RAB40C: variants seen among roughly 807,000 people sequenced by gnomAD.
The protein encoded by RAB40C is RAB40C, member RAS oncogene family.
A neutral mutation model predicts 28.1 loss-of-function variants in RAB40C; 8 were observed. That is an observed-to-expected ratio of 0.28 (90% CI 0.17 to 0.51). The LOEUF (loss-of-function observed/expected upper bound fraction) is 0.51, where lower values mean the gene tolerates loss of function less well. Among genes scored for constraint, RAB40C ranks in the 20% least tolerant of loss-of-function variants. The probability of loss-of-function intolerance (pLI) is 0.97; values close to 1 mark genes in which losing one functional copy is unlikely to be tolerated. For synonymous variants in RAB40C, 201 were observed against 171.7 expected (o/e 1.17, Z -1.34); for missense variants, 288 against 405.9 (o/e 0.71, Z 2.50).
In RAB40C at chr16:596,279, G is replaced by T. The variant is rs1478233625; in HGVS notation, c.142+5846G>T. ...GGAAGGACACAAGGGAGGGATCTGG[G>T]TCCTCGCAGGTACTTTTGCCTCTTG... On this transcript the variant is annotated intron_variant, in intron 1 of 5. Coordinates refer to ENST00000248139, the MANE Select transcript of RAB40C (RefSeq NM_021168.5). The T allele has an allele frequency of 6.6e-6, 3 of 456,010 alleles. No homozygotes were observed. The Admixed American group carries it at 7.0e-5, about 11-fold the overall frequency. The allele number at this position is 456,010 out of a possible 1,614,324, so 28.2% of individuals were successfully genotyped here.
intron 4 of RAB40C, 157 bp downstream of exon 4, chr16:625,666 T>A: frequency 1.1e-6 from 1 of 903,024 alleles, no homozygotes; most frequent in Non-Finnish European, 1.7e-6. Context: ...TGCTGGTCAC[T>A]GTGCACACGA....
Position 617,219 on chromosome 16 carries a change from A to G in RAB40C, c.154A>G (p.Lys52Glu). 2 of 1,613,948 alleles carry G rather than the reference A, an allele frequency of 1.2e-6. No individual in the cohort carries two copies. Among genetic ancestry groups the G allele is most frequent in the Non-Finnish European group, 1.7e-6 (2 of 1,179,994 alleles). ...GTGCTTCCTCGCAGGGATCGACTACAAGACCACCACCATCCTGCTGGACGG... is the reference window on the plus strand; with the variant it reads ...GTGCTTCCTCGCAGGGATCGACTACGAGACCACCACCATCCTGCTGGACGG... ...PYAYSNGIDYKTTTILLDGRR... is the reference protein window; with the variant it reads ...PYAYSNGIDYETTTILLDGRR... The change falls in exon 2 of 6, where the codon AAG becomes GAG. Residue 52 changes from lysine to glutamate, a missense_variant. Lys to Glu is a moderately conservative substitution (Grantham distance 56). Coordinates refer to ENST00000248139, the MANE Select transcript of RAB40C (RefSeq NM_021168.5).
intron 4 of RAB40C, 58 bp downstream of exon 4, chr16:625,567 GCC>G: frequency 6.5e-7 from 1 of 1,546,352 alleles, no homozygotes; most frequent in South Asian, 1.1e-5. Context: ...AGGTACCTGG[GCC>G]CCGGGTAGGC....
intron 4 of RAB40C, 46 bp from the exon 5 acceptor site, chr16:625,853 G>T (rs776529249): frequency 5.9e-6 from 9 of 1,529,804 alleles, no homozygotes; most frequent in South Asian, 1.2e-5. Flanking sequence ...GCTGAGGGGT[G>T]GGTGGCACCC....
chr16:593,063 C>T (rs931656043), intron 1 of RAB40C, among the ~76,000 whole-genome samples: 1 of 152,220 alleles, frequency 6.6e-6, no homozygotes, highest in Admixed American at 6.5e-5. Context: ...TCCAGGTCCC[C>T]GCAGGAGTCC....
intron 1 of RAB40C, among the ~76,000 whole-genome samples, chr16:593,538 G>A (rs1434179978): frequency 1.3e-5 from 2 of 152,254 alleles, no homozygotes; most frequent in Admixed American, 6.5e-5. Context: ...ATGGCCCACA[G>A]CTCCTTCAGC....
chr16:609,615 C>T (rs900037054), intron 1 of RAB40C, among the ~76,000 whole-genome samples: 1 of 152,124 alleles, frequency 6.6e-6, no homozygotes, highest in Non-Finnish European at 1.5e-5. Context: ...TTACCATTGG[C>T]GTCATCAGAG....
At position 627,561 on chromosome 16, in the gene RAB40C, C is replaced by T; in HGVS notation, c.785C>T (p.Ser262Phe). 6.2e-7 allele frequency: 1 copy of T among 1,612,782 alleles called. No homozygotes were observed. The highest frequency in any genetic ancestry group is 8.5e-7 in the Non-Finnish European group (1 of 1,179,390). ...GGCAACAGCCTCAAGAGGTCCAAGT[C>T]CATCCGTCCACCCCAGAGCCCCCCC... is the stretch of plus-strand genomic sequence containing the variant. Reference protein sequence around the residue: ...SKGNSLKRSKSIRPPQSPPQN... With the variant: ...SKGNSLKRSKFIRPPQSPPQN... The change falls in exon 6 of 6, where the codon TCC (serine) becomes TTC (phenylalanine). Residue 262 changes from serine (S) to phenylalanine (F), a missense_variant. Transcript: ENST00000248139.
intron 1 of RAB40C, among the ~76,000 whole-genome samples, chr16:604,369 C>G (rs1048845247): frequency 4.6e-5 from 7 of 152,180 alleles, no homozygotes; most frequent in Non-Finnish European, 2.9e-5. Flanking sequence ...GAAGGTGTTT[C>G]TCTAGAATAC....
In RAB40C at chr16:610,678, G is replaced by C. The variant is rs972667133; in HGVS notation, c.143-6530G>C. 6.6e-6 allele frequency among the ~76,000 whole-genome samples: 1 copy of C among 151,988 alleles called. No individual in the cohort carries two copies. Among genetic ancestry groups the C allele is most frequent in the African/African-American group, 2.4e-5 (1 of 41,374 alleles). The stretch of plus-strand genomic sequence containing the variant: ...CCCTGCCCCTGCGCCGTCCCCCAGC[G>C]CGGGCTCCAGGCCTCTCCTGGGTCA... On this transcript the variant is annotated intron_variant, in intron 1 of 5. Coordinates refer to ENST00000248139, the MANE Select transcript of RAB40C (RefSeq NM_021168.5). The surrounding 1 kb of genome is among the most constrained non-coding windows in gnomAD (Gnocchi z 4.6).
At chr16:595,271 C>G (rs1361836424) in intron 1 of RAB40C, among the ~76,000 whole-genome samples, 1 of 152,208 alleles carries the variant, frequency 6.6e-6, no homozygotes, top group East Asian at 1.9e-4. Flanking sequence ...CCACCACCAC[C>G]TGTGAGAAGG....
chr16:617,975 C>T (rs2036622259), intron 2 of RAB40C, among the ~76,000 whole-genome samples: 1 of 152,270 alleles, frequency 6.6e-6, no homozygotes, highest in South Asian at 2.1e-4. Context: ...AGCTTGCTCA[C>T]TCCCCAGGTG....
chr16:617,317 C>G lies in RAB40C; in HGVS notation c.203+49C>G, dbSNP rs201851102. The G allele has an allele frequency of 3.5e-4, 562 of 1,602,608 alleles. 1 individual carries two copies. Among genetic ancestry groups the G allele is most frequent in the Middle Eastern group, 3.3e-4 (2 of 6,050 alleles). The stretch of plus-strand genomic sequence containing the variant: ...AGTTCCTGGGTGAGGACACAAATGC[C>G]GAAGGGAGAACAGAACCCTTAGAGA... On this transcript the variant is annotated intron_variant, in intron 2 of 5. Transcript: ENST00000248139.
rs1296117798 is a variant in RAB40C at position 610,420 on chromosome 16, A to AGGG, written c.143-6787_143-6785dup. On this transcript the variant is annotated intron_variant, in intron 1 of 5. Transcript: ENST00000248139. This position sits in a 1 kb window ranked among gnomAD's most constrained non-coding sequence, Gnocchi z 4.6. The stretch of plus-strand genomic sequence containing the variant: ...GCAGATGAGGAGGAGAGCAGGGGGA[A>AGGG]GGGTGGCAGGAGTTGCTGGTGCTGC... 6.6e-6 allele frequency among the ~76,000 whole-genome samples: 1 copy of AGGG among 152,090 alleles called. No individual in the cohort carries two copies. The highest frequency in any genetic ancestry group is 1.5e-5 in the Non-Finnish European group (1 of 68,014).
chr16:592,372 T>C (rs1049785495), intron 1 of RAB40C, among the ~76,000 whole-genome samples: 2 of 152,264 alleles, frequency 1.3e-5, no homozygotes, highest in Non-Finnish European at 2.9e-5. Context: ...GCTTCAGCAG[T>C]GGGCAGCAGC....
In RAB40C at chr16:625,529, G is replaced by T. The variant is rs371073143; in HGVS notation, c.342+20G>T. 5 of 1,611,404 alleles carry T rather than the reference G, an allele frequency of 3.1e-6. No homozygotes were observed. The highest frequency in any genetic ancestry group is 3.4e-6 in the Non-Finnish European group (4 of 1,178,632). On this transcript the variant is annotated intron_variant, in intron 4 of 5. Coordinates refer to ENST00000248139, the MANE Select transcript of RAB40C (RefSeq NM_021168.5). Reference sequence around the variant, plus strand: ...GATGAGGTAGGCCTGGGTCCGGGGAGCCCTCCCGGGGAAGGCAGGCTGGAT... The same window carrying T: ...GATGAGGTAGGCCTGGGTCCGGGGATCCCTCCCGGGGAAGGCAGGCTGGAT...
At chr16:613,148 C>G (rs2036517420) in intron 1 of RAB40C, among the ~76,000 whole-genome samples, 3 of 140,430 alleles carry the variant, frequency 2.1e-5, no homozygotes, top group Non-Finnish European at 4.6e-5. Context: ...AGAGCAGGGA[C>G]AGCCGCCCTG....
intron 1 of RAB40C, among the ~76,000 whole-genome samples, chr16:609,037 C>T (rs2036425735): frequency 1.3e-5 from 2 of 152,142 alleles, no homozygotes; most frequent in South Asian, 4.1e-4. Context: ...AGCACGTGAG[C>T]CTAGGAGTTG....
intron 1 of RAB40C, among the ~76,000 whole-genome samples, chr16:598,634 T>TGGGA (rs1244346063): frequency 6.6e-6 from 1 of 151,442 alleles, no homozygotes; most frequent in Non-Finnish European, 1.5e-5. Context: ...CCCAATTACT[T>TGGGA]GGGAGGCTGA....
Sources: allele counts gnomAD v4.1 joint callset (sites outside exome capture counted in the v4.1 genomes callset), GRCh38; gene constraint gnomAD v4.1.1; non-coding constraint Gnocchi (gnomAD v3.1); transcripts MANE v1.5; gene names NCBI Gene and HGNC (gene_info 2026-07-23, HGNC 2026-07-21).